MYO1E: variants seen among roughly 807,000 people sequenced by gnomAD.
MYO1E encodes myosin IE, also known as unconventional myosin-Ie.
In MYO1E, 68 loss-of-function variants were observed where a neutral mutation model predicts 151.1. The observed-to-expected ratio is 0.45, with a 90% confidence interval of 0.37 to 0.55. The LOEUF (loss-of-function observed/expected upper bound fraction) is 0.55, where lower values mean the gene tolerates loss of function less well. Among genes scored for constraint, MYO1E ranks in the 20% least tolerant of loss-of-function variants. The pLI is 0.00. For synonymous variants in MYO1E, 601 were observed against 501.7 expected (o/e 1.20, Z -2.64); for missense variants, 1,363 against 1,389.3 (o/e 0.98, Z 0.30).
intron 1 of MYO1E, among the ~76,000 whole-genome samples, chr15:59,354,494 C>T (rs1424499169): frequency 1.3e-5 from 2 of 152,136 alleles, no homozygotes; most frequent in African/African-American, 2.4e-5. Context: ...CAGAAAAGCC[C>T]TCGCTTGGGG....
At position 59,153,807 on chromosome 15, in the gene MYO1E, GAGA is replaced by G; in HGVS notation, c.2879-19_2879-17del. On this transcript the variant is annotated splice_polypyrimidine_tract_variant and intron_variant, in intron 25 of 27. Coordinates refer to ENST00000288235, the MANE Select transcript of MYO1E (RefSeq NM_004998.4). ...TGATGGTATCCTAGAGAGAGGAACAGAGAAGGAAATAAGGCTCAGATTTTTGGA... is the reference window on the plus strand; with the variant it reads ...TGATGGTATCCTAGAGAGAGGAACAGAGGAAATAAGGCTCAGATTTTTGGA... 1 of 1,607,560 alleles carries G rather than the reference GAGA, an allele frequency of 6.2e-7. No individual in the cohort carries two copies. The highest frequency in any genetic ancestry group is 8.5e-7 in the Non-Finnish European group (1 of 1,174,032).
At chr15:59,237,219 T>C (rs2080072274) in intron 4 of MYO1E, among the ~76,000 whole-genome samples, 1 of 152,236 alleles carries the variant, frequency 6.6e-6, no homozygotes, top group Non-Finnish European at 1.5e-5. Context: ...ATAATGCATA[T>C]GCTATTTTTG....
intron 22 of MYO1E, among the ~76,000 whole-genome samples, chr15:59,166,823 C>T (rs2079565612): frequency 6.6e-6 from 1 of 152,188 alleles, no homozygotes; most frequent in Admixed American, 6.5e-5. Flanking sequence ...AAAGAAGCTT[C>T]ACCTGACCCG....
intron 9 of MYO1E, among the ~76,000 whole-genome samples, chr15:59,219,160 C>T (rs1731944160): frequency 6.6e-6 from 1 of 152,182 alleles, no homozygotes; most frequent in Non-Finnish European, 1.5e-5. Context: ...AAAACGGAGA[C>T]TTCCATAGCT....
intron 6 of MYO1E, among the ~76,000 whole-genome samples, chr15:59,230,820 A>T (rs1195793374): frequency 6.6e-6 from 1 of 152,212 alleles, no homozygotes; most frequent in Non-Finnish European, 1.5e-5. Flanking sequence ...ATTCCCACTT[A>T]TTTATTTTAA....
chr15:59,249,505 C>G (rs1343379303), intron 4 of MYO1E, among the ~76,000 whole-genome samples: 1 of 151,874 alleles, frequency 6.6e-6, no homozygotes. Flanking sequence ...GTCACCGTAT[C>G]CACTGCGTTG....
At chr15:59,161,261 G>A (rs762347311) in intron 23 of MYO1E, 31 bp from the exon 24 acceptor site, 3 of 1,609,836 alleles carry the variant, frequency 1.9e-6, no homozygotes, top group African/African-American at 1.3e-5. Context: ...TTAACAGGTC[G>A]AAGGACGCAG....
chr15:59,297,841 G>A (rs2080459989), intron 1 of MYO1E, among the ~76,000 whole-genome samples: 2 of 152,068 alleles, frequency 1.3e-5, no homozygotes, highest in Non-Finnish European at 2.9e-5. Flanking sequence ...CGTGGGCTTT[G>A]AAAGTGCTGG....
intron 6 of MYO1E, among the ~76,000 whole-genome samples, chr15:59,231,389 G>A (rs143021478): frequency 6.6e-6 from 1 of 152,202 alleles, no homozygotes; most frequent in Non-Finnish European, 1.5e-5. Flanking sequence ...GTCTGGGAAA[G>A]AAGGTCTTTT....
chr15:59,165,742 T>C lies in MYO1E; in HGVS notation c.2481-2439A>G, dbSNP rs114153958. 5.5e-3 allele frequency among the ~76,000 whole-genome samples: 845 copies of C among 152,318 alleles called. 5 individuals carry two copies. Among genetic ancestry groups the C allele is most frequent in the African/African-American group, 0.02 (822 of 41,574 alleles). On this transcript the variant is annotated intron_variant, in intron 22 of 27. Coordinates refer to ENST00000288235, the MANE Select transcript of MYO1E (RefSeq NM_004998.4). ...AGAGCTCTTCCAAGTCATTTTGAAT[T>C]AATAAAGTCTAAGCCTCCTGGCACC...
At chr15:59,215,245 A>G (rs1429312983) in intron 10 of MYO1E, among the ~76,000 whole-genome samples, 2 of 152,174 alleles carry the variant, frequency 1.3e-5, no homozygotes, top group Admixed American at 6.5e-5. Context: ...TTTTGAATTG[A>G]TAATAGAAGC....
At chr15:59,303,362 C>G (rs1295787895) in intron 1 of MYO1E, among the ~76,000 whole-genome samples, 2 of 151,936 alleles carry the variant, frequency 1.3e-5, no homozygotes, top group African/African-American at 4.8e-5. Flanking sequence ...TGCAGTGAGA[C>G]GGGATTGTGC....
intron 9 of MYO1E, among the ~76,000 whole-genome samples, chr15:59,219,254 C>G (rs1297295840): frequency 1.3e-5 from 2 of 152,134 alleles, no homozygotes; most frequent in African/African-American, 2.4e-5. Context: ...GCAGAACGTT[C>G]TCATATAAAT....
intron 22 of MYO1E, among the ~76,000 whole-genome samples, chr15:59,170,512 C>T (rs146042410): frequency 3.9e-5 from 6 of 152,112 alleles, no homozygotes; most frequent in East Asian, 1.9e-4. Context: ...GGCACTGCCC[C>T]GCTCAGGTTG....
intron 13 of MYO1E, among the ~76,000 whole-genome samples, chr15:59,209,247 G>C (rs2079861255): frequency 6.6e-6 from 1 of 152,152 alleles, no homozygotes; most frequent in Admixed American, 6.5e-5. Context: ...TAGTTATTTA[G>C]TGTACACATT....
chr15:59,149,166 C>G (rs1030241625), intron 26 of MYO1E, among the ~76,000 whole-genome samples: 1 of 151,046 alleles, frequency 6.6e-6, no homozygotes, highest in African/African-American at 2.4e-5. Context: ...ACGCCATTCT[C>G]CCGCCTCAGC....
rs768349343 is a variant in MYO1E at position 59,174,117 on chromosome 15, C to T, written c.2164+9G>A. ...TATTAAAATCAATGAAACAAAATTG[C>T]TAAAATACCTTCTTCTCTCATTTGA... On this transcript the variant is annotated intron_variant, in intron 20 of 27. Transcript: ENST00000288235. The T allele has an allele frequency of 1.9e-6, 3 of 1,607,302 alleles. No individual in the cohort carries two copies. In the South Asian group the frequency reaches 3.3e-5, roughly 18 times the overall value.
At chr15:59,260,601 T>C (rs1208441727) in intron 3 of MYO1E, among the ~76,000 whole-genome samples, 1 of 152,108 alleles carries the variant, frequency 6.6e-6, no homozygotes, top group African/African-American at 2.4e-5. Context: ...TAAGGAGAAT[T>C]ACAGCTTCCA....
At chr15:59,300,328 ACG>A (rs2080474580) in intron 1 of MYO1E, among the ~76,000 whole-genome samples, 1 of 151,928 alleles carries the variant, frequency 6.6e-6, no homozygotes, top group Non-Finnish European at 1.5e-5. Context: ...ACACACACAC[ACG>A]CACGGTCATT....
Sources: gnomAD v4.1 joint callset for allele counts (sites outside exome capture counted in the v4.1 genomes callset) on GRCh38, gnomAD v4.1.1 for gene constraint, MANE v1.5 for transcripts, NCBI Gene and HGNC (gene_info 2026-07-23, HGNC 2026-07-21) for gene names.